NSD2: variants seen among roughly 807,000 people sequenced by gnomAD.
NSD2 encodes the protein histone-lysine N-methyltransferase NSD2.
In NSD2, 12 loss-of-function variants were observed where a neutral mutation model predicts 139.0. The ratio of observed to expected loss-of-function variants is 0.09; its 90% CI spans 0.06 to 0.14. The LOEUF (loss-of-function observed/expected upper bound fraction) is 0.14, where lower values mean the gene tolerates loss of function less well. Ranked by LOEUF, NSD2 falls within the 10% of genes least tolerant of loss-of-function variation. The pLI is 1.00. For missense variants in NSD2, 1,155 were observed against 1,745.0 expected (o/e 0.66, Z 6.02); for synonymous variants, 669 against 648.7 (o/e 1.03, Z -0.48).
intron 5 of NSD2, among the ~76,000 whole-genome samples, chr4:1,930,354 A>G (rs573442129): frequency 1.3e-5 from 2 of 152,278 alleles, no homozygotes; most frequent in South Asian, 4.1e-4. Flanking sequence ...AAAAGTATAT[A>G]TATATTTTTA....
At chr4:1,968,808 A>C (rs924893390) in intron 18 of NSD2, among the ~76,000 whole-genome samples, 3 of 152,178 alleles carry the variant, frequency 2.0e-5, no homozygotes, top group African/African-American at 7.2e-5. Context: ...CATGGAGAGG[A>C]AGAACTAGAT....
intron 18 of NSD2, among the ~76,000 whole-genome samples, chr4:1,971,176 T>C (rs987166122): frequency 5.3e-5 from 8 of 151,954 alleles, no homozygotes; most frequent in Non-Finnish European, 1.0e-4. Flanking sequence ...CTGGGCAACA[T>C]AGGGAGACCC....
intron 5 of NSD2, among the ~76,000 whole-genome samples, chr4:1,922,454 T>G (rs780144910): frequency 1.3e-5 from 2 of 152,226 alleles, no homozygotes; most frequent in African/African-American, 4.8e-5. Context: ...TATAGGAAGA[T>G]TCAAGCTTCT....
At chr4:1,876,325 T>G (rs770394348) in intron 1 of NSD2, among the ~76,000 whole-genome samples, 12 of 152,174 alleles carry the variant, frequency 7.9e-5, no homozygotes, top group Non-Finnish European at 1.6e-4. Context: ...CTGTAATACT[T>G]AGTGGTTTCA....
chr4:1,967,469 T>C (rs747834783), intron 18 of NSD2, among the ~76,000 whole-genome samples: 19 of 151,662 alleles, frequency 1.3e-4, no homozygotes, highest in Non-Finnish European at 2.6e-4. Flanking sequence ...TCCCAGCTAC[T>C]CAGTAGGCTG....
At chr4:1,953,242 C>T (rs772437510) in intron 11 of NSD2, 82 bp from the exon 12 acceptor site, 120 of 1,610,786 alleles carry the variant, frequency 7.4e-5, no homozygotes, top group Non-Finnish European at 1.0e-4. Context: ...AGAGGAGTTG[C>T]TTGATTTTAG....
intron 1 of NSD2, chr4:1,894,012 C>T (rs1405395567): frequency 2.0e-5 from 3 of 152,206 alleles, no homozygotes; most frequent in African/African-American, 4.8e-5. Context: ...GTTGCTGTAG[C>T]CTCGAATTCT....
At chr4:1,952,494 C>G (rs1724377915) in intron 11 of NSD2, among the ~76,000 whole-genome samples, 1 of 152,182 alleles carries the variant, frequency 6.6e-6, no homozygotes, top group Admixed American at 6.5e-5. Context: ...GATGACAGGT[C>G]ATGGGCTTTT....
chr4:1,888,901 ATTT>A (rs775054313), intron 1 of NSD2, among the ~76,000 whole-genome samples: 6 of 118,912 alleles, frequency 5.0e-5, no homozygotes, highest in Admixed American at 8.9e-5. Flanking sequence ...GTATATTAGT[ATTT>A]TTTTTTTTTT....
At position 1,980,902 on chromosome 4, in the gene NSD2, C is replaced by T. The variant is rs1210828919; in HGVS notation, c.*1993C>T. ...ATTTATGCTCCTTATGATGCCCTAA[C>T]TTGGAAGGTTGTTCTAGGGACAGGC... On this transcript the variant is annotated 3_prime_UTR_variant, in exon 22 of 22. Coordinates refer to ENST00000508803, the MANE Select transcript of NSD2 (RefSeq NM_001042424.3). 4.3e-6 allele frequency: 1 copy of T among 233,186 alleles called. No individual in the cohort carries two copies. The highest frequency in any genetic ancestry group is 5.6e-5 in the Admixed American group (1 of 17,794). 14.4% of individuals were successfully genotyped at this position (233,186 alleles called of 1,614,324 possible).
At chr4:1,890,119 A>G (rs568834373) in intron 1 of NSD2, among the ~76,000 whole-genome samples, 1 of 152,108 alleles carries the variant, frequency 6.6e-6, no homozygotes, top group Non-Finnish European at 1.5e-5. Context: ...ACTTAGCATC[A>G]TGTTTATCTA....
chr4:1,914,402 T>C (rs1156379021), intron 3 of NSD2, among the ~76,000 whole-genome samples: 1 of 151,948 alleles, frequency 6.6e-6, no homozygotes, highest in Non-Finnish European at 1.5e-5. Context: ...CTTGGCTTAT[T>C]GCAGTCTCCA....
intron 1 of NSD2, among the ~76,000 whole-genome samples, chr4:1,871,961 C>T (rs1225292664): frequency 6.7e-6 from 1 of 149,104 alleles, no homozygotes; most frequent in Non-Finnish European, 1.5e-5. Flanking sequence ...GCCTTTGTTC[C>T]CGCGGCGCCG....
chr4:1,950,914 T>C (rs565620998), intron 9 of NSD2, among the ~76,000 whole-genome samples, 158 bp from the exon 10 acceptor site: 1 of 152,320 alleles, frequency 6.6e-6, no homozygotes, highest in East Asian at 1.9e-4. Flanking sequence ...CAAAAACCAG[T>C]TGATGATGGT....
At chr4:1,897,350 TG>T (rs1716493029) in intron 1 of NSD2, among the ~76,000 whole-genome samples, 2 of 152,038 alleles carry the variant, frequency 1.3e-5, no homozygotes, top group African/African-American at 4.8e-5. Flanking sequence ...CTGAGCATGG[TG>T]GGGTGCACCT....
intron 1 of NSD2, among the ~76,000 whole-genome samples, chr4:1,891,896 A>G (rs1202598728): frequency 1.3e-5 from 2 of 151,466 alleles, no homozygotes; most frequent in African/African-American, 4.8e-5. Context: ...CAAAAACGAA[A>G]AAACGAAAAA....
chr4:1,929,685 TATG>T lies in NSD2; in HGVS notation c.1411-937_1411-935del, dbSNP rs576441963. 2.6e-5 allele frequency among the ~76,000 whole-genome samples: 4 copies of T among 152,286 alleles called. No homozygotes were observed. The South Asian group carries it at 8.3e-4, about 32-fold the overall frequency. On this transcript the variant is annotated intron_variant, in intron 5 of 21. Transcript: ENST00000508803. ...CTGTAATTTTTGTGTCATGAAATAT[TATG>T]ATGTTTTTCAGACATTGAACAGAAA...
intron 1 of NSD2, among the ~76,000 whole-genome samples, chr4:1,881,705 AATT>A (rs1714705881): frequency 6.6e-6 from 1 of 152,220 alleles, no homozygotes; most frequent in African/African-American, 2.4e-5. Flanking sequence ...CCCTGGTTCT[AATT>A]ATTCTCTCCA....
chr4:1,893,551 T>G (rs552705793), intron 1 of NSD2, among the ~76,000 whole-genome samples: 70 of 136,748 alleles, frequency 5.1e-4, no homozygotes, highest in Non-Finnish European at 8.6e-4. Flanking sequence ...TTGTTTTTTT[T>G]TTTTTTTTGT....
Sources: allele counts gnomAD v4.1 joint callset (sites outside exome capture counted in the v4.1 genomes callset), GRCh38; gene constraint gnomAD v4.1.1; transcripts MANE v1.5; gene names NCBI Gene and HGNC (gene_info 2026-07-23, HGNC 2026-07-21).